KDELR2: variants seen among roughly 807,000 people sequenced by gnomAD.
KDELR2 encodes KDEL endoplasmic reticulum protein retention receptor 2.
A neutral mutation model predicts 23.9 loss-of-function variants in KDELR2; 15 were observed. The ratio of observed to expected loss-of-function variants is 0.63; its 90% CI spans 0.42 to 0.97. KDELR2 has a LOEUF of 0.97. Among genes scored for constraint, KDELR2 ranks in the 50% least tolerant of loss-of-function variants. KDELR2 has a pLI of 0.00. For synonymous variants in KDELR2, 119 were observed against 106.2 expected (o/e 1.12, Z -0.74); for missense variants, 272 against 254.6 (o/e 1.07, Z -0.46).
At chr7:6,480,763 C>A (rs1420722122) in intron 1 of KDELR2, among the ~76,000 whole-genome samples, 2 of 152,174 alleles carry the variant, frequency 1.3e-5, no homozygotes, top group Non-Finnish European at 2.9e-5. Flanking sequence ...ATATCAAATT[C>A]TTACTCTTTC....
Position 6,466,075 on chromosome 7 carries a change from T to C in KDELR2, c.600A>G (p.Thr200=), listed in dbSNP as rs144340785. ...CGCAGGTCGCACCCAACATACCTTTTGTAATGTACAAGTAGAAGAAGTCAC... is the reference window on the plus strand; with the variant it reads ...CGCAGGTCGCACCCAACATACCTTTCGTAATGTACAAGTAGAAGAAGTCAC... ...LYCDFFYLYI[T]KVLKGKKLSL... The change falls in exon 4 of 5, where the codon ACA becomes ACG. Residue 200 remains threonine (T), a synonymous_variant. Transcript: ENST00000258739. The C allele has an allele frequency of 3.1e-6, 5 of 1,613,734 alleles. No individual in the cohort carries two copies. In the African/African-American group the frequency reaches 4.0e-5, roughly 13 times the overall value.
chr7:6,482,468 T>C (rs2115336438), intron 1 of KDELR2: 2 of 411,882 alleles, frequency 4.9e-6, no homozygotes, highest in Middle Eastern at 3.5e-4. Context: ...AACTGAGAGA[T>C]AACCTCCAAG....
At chr7:6,464,898 G>A (rs935230043) in intron 4 of KDELR2, among the ~76,000 whole-genome samples, 8 of 151,732 alleles carry the variant, frequency 5.3e-5, no homozygotes, top group Admixed American at 2.6e-4. Flanking sequence ...CACCACACCC[G>A]GCTAATTTTG....
chr7:6,469,770 A>G lies in KDELR2; in HGVS notation c.193-16T>C. 6.3e-7 allele frequency: 1 copy of G among 1,599,414 alleles called. No homozygotes were observed. The highest frequency in any genetic ancestry group is 8.5e-7 in the Non-Finnish European group (1 of 1,174,012). ...GGTAGATAACCTACAAATAAAAGAA[A>G]AAACACCAGGTGTCAATACCTTGCC... On this transcript the variant is annotated splice_polypyrimidine_tract_variant and intron_variant, in intron 2 of 4. Transcript: ENST00000258739.
At chr7:6,477,184 T>C (rs1405550973) in intron 1 of KDELR2, among the ~76,000 whole-genome samples, 1 of 152,228 alleles carries the variant, frequency 6.6e-6, no homozygotes, top group African/African-American at 2.4e-5. Flanking sequence ...CAGGGCAGTG[T>C]GTGGTTTGAA....
chr7:6,470,020 G>T, intron 2 of KDELR2: 1 of 292,428 alleles, frequency 3.4e-6, no homozygotes, highest in East Asian at 6.6e-5. Context: ...AACTCCCCCA[G>T]GCTTCCTTCA....
At chr7:6,466,616 A>G (rs566892443) in intron 3 of KDELR2, among the ~76,000 whole-genome samples, 27 of 152,178 alleles carry the variant, frequency 1.8e-4, no homozygotes, top group African/African-American at 5.8e-4. Context: ...TGTTATTACT[A>G]TAATATACAA....
intron 4 of KDELR2, among the ~76,000 whole-genome samples, chr7:6,465,588 G>A (rs1460844658): frequency 6.6e-6 from 1 of 152,112 alleles, no homozygotes; most frequent in East Asian, 1.9e-4. Context: ...ACACAAGGAT[G>A]CTGATTTAAT....
chr7:6,464,197 C>CAA (rs758537707), intron 4 of KDELR2, among the ~76,000 whole-genome samples: 3 of 38,764 alleles, frequency 7.7e-5, no homozygotes, highest in African/African-American at 1.4e-4. Flanking sequence ...AACTCTGTCT[C>CAA]AAAAAAAAAA....
At position 6,484,084 on chromosome 7, in the gene KDELR2, C is replaced by G. The variant is rs1273904268; in HGVS notation, c.-27G>C. 3 of 1,439,160 alleles carry G rather than the reference C, an allele frequency of 2.1e-6. No individual in the cohort carries two copies. Among genetic ancestry groups the G allele is most frequent in the Non-Finnish European group, 2.8e-6 (3 of 1,086,878 alleles). The allele number at this position is 1,439,160 out of a possible 1,614,324, so 89.1% of individuals were successfully genotyped here. A position where few individuals can be genotyped will look rare whatever the true frequency, so the allele number is the denominator to read the frequency against. Reference sequence around the variant, plus strand: ...GCGGCGGCGGCGGTGGCGGTCGGCGCAGCGCGGCGGCCCCGGGGCTGGGCG... The same window carrying G: ...GCGGCGGCGGCGGTGGCGGTCGGCGGAGCGCGGCGGCCCCGGGGCTGGGCG... On this transcript the variant is annotated 5_prime_UTR_variant, in exon 1 of 5. Transcript: ENST00000258739.
intron 1 of KDELR2, among the ~76,000 whole-genome samples, chr7:6,481,349 G>A (rs1583322203): frequency 1.0e-5 from 1 of 100,058 alleles, no homozygotes; most frequent in Non-Finnish European, 1.9e-5. Context: ...TGGGACACAA[G>A]ATCAAAAGTT....
At position 6,484,125 on chromosome 7, in the gene KDELR2, G is replaced by T; in HGVS notation, c.-68C>A. 8.5e-7 allele frequency: 1 copy of T among 1,176,996 alleles called. No homozygotes were observed. The highest frequency in any genetic ancestry group is 1.1e-6 in the Non-Finnish European group (1 of 928,412). The allele number at this position is 1,176,996 out of a possible 1,614,324, so 72.9% of individuals were successfully genotyped here. Reference sequence around the variant, plus strand: ...GGGCTGGGCGGCTCAGGAGGCGGCGGCCCCTGAGAGGAAGCGGCGAAGATG... The same window carrying T: ...GGGCTGGGCGGCTCAGGAGGCGGCGTCCCCTGAGAGGAAGCGGCGAAGATG... On this transcript the variant is annotated 5_prime_UTR_variant, in exon 1 of 5. Transcript: ENST00000258739.
At chr7:6,478,083 CT>C (rs1011293840) in intron 1 of KDELR2, among the ~76,000 whole-genome samples, 1 of 152,114 alleles carries the variant, frequency 6.6e-6, no homozygotes, top group Non-Finnish European at 1.5e-5. Flanking sequence ...TGCAAAGACC[CT>C]TTCTTCACAT....
intron 4 of KDELR2, 54 bp downstream of exon 4, chr7:6,466,017 C>T (rs1344327116): frequency 1.3e-6 from 2 of 1,587,100 alleles, no homozygotes; most frequent in East Asian, 2.2e-5. Flanking sequence ...TGGGCAAGGG[C>T]ACTCCTAAAA....
intron 4 of KDELR2, among the ~76,000 whole-genome samples, chr7:6,463,378 C>G (rs1186882295): frequency 6.6e-6 from 1 of 152,042 alleles, no homozygotes; most frequent in African/African-American, 2.4e-5. Flanking sequence ...ATGACTTTCA[C>G]CCTAATCAAT....
chr7:6,482,235 G>A (rs982992164), intron 1 of KDELR2, among the ~76,000 whole-genome samples: 1 of 152,102 alleles, frequency 6.6e-6, no homozygotes, highest in Non-Finnish European at 1.5e-5. Flanking sequence ...CTGACCTCAG[G>A]TGATCCACCT....
rs761106152 is a variant in KDELR2, at chr7:6,461,816, C to T, written c.*1325G>A. On this transcript the variant is annotated 3_prime_UTR_variant, in exon 5 of 5. Transcript: ENST00000258739. ...ATCACATAAAAAACAAAGTCATATA[C>T]TTTTGCATTAATCAAAAAATAGCAA... The T allele has an allele frequency of 6.6e-6, 1 of 151,998 alleles. No individual in the cohort carries two copies. Among genetic ancestry groups the T allele is most frequent in the Non-Finnish European group, 1.5e-5 (1 of 68,034 alleles). The allele number at this position is 151,998 out of a possible 1,614,324, so 9.4% of individuals were successfully genotyped here.
intron 1 of KDELR2, among the ~76,000 whole-genome samples, chr7:6,475,116 A>C (rs1405192892): frequency 6.6e-6 from 1 of 152,140 alleles, no homozygotes; most frequent in Non-Finnish European, 1.5e-5. Flanking sequence ...CTTTGCTAAG[A>C]GCGGCAATTA....
At chr7:6,473,628 T>G (rs1785697333) in intron 2 of KDELR2, among the ~76,000 whole-genome samples, 1 of 152,232 alleles carries the variant, frequency 6.6e-6, no homozygotes, top group Admixed American at 6.5e-5. Flanking sequence ...AATACGTTAC[T>G]AAGTAAATGA....
Sources: gnomAD v4.1 joint callset for allele counts (sites outside exome capture counted in the v4.1 genomes callset) on GRCh38, gnomAD v4.1.1 for gene constraint, MANE v1.5 for transcripts, NCBI Gene and HGNC (gene_info 2026-07-23, HGNC 2026-07-21) for gene names.